ANXA4: variants seen among roughly 807,000 people sequenced by gnomAD.
ANXA4 encodes the protein annexin A4.
A neutral mutation model predicts 49.8 loss-of-function variants in ANXA4; 39 were observed. That is an observed-to-expected ratio of 0.78 (90% CI 0.61 to 1.02). ANXA4 has a LOEUF of 1.02. ANXA4 is among the 50% of genes least tolerant of loss of function. ANXA4 has a pLI of 0.00. For missense variants in ANXA4, 360 were observed against 410.1 expected, an observed-to-expected ratio of 0.88 and a Z score of 1.05; for synonymous variants, 134 against 152.5, an observed-to-expected ratio of 0.88 and a Z score of 0.89.
At chr2:69,764,927 T>C (rs1273027816) in intron 1 of ANXA4, among the ~76,000 whole-genome samples, 1 of 152,086 alleles carries the variant, frequency 6.6e-6, no homozygotes, top group East Asian at 1.9e-4. Context: ...ATAAGTGGAT[T>C]CATGTAGTAT....
At chr2:69,652,584 C>T (rs1399641757) in intron 1 of ANXA4, among the ~76,000 whole-genome samples, 3 of 152,184 alleles carry the variant, frequency 2.0e-5, no homozygotes, top group Non-Finnish European at 2.9e-5. Flanking sequence ...TAAGGCTGGG[C>T]GCGGTGGCTC....
intron 3 of ANXA4, among the ~76,000 whole-genome samples, chr2:69,801,055 A>C (rs1406956360): frequency 6.6e-6 from 1 of 152,202 alleles, no homozygotes; most frequent in Non-Finnish European, 1.5e-5. Flanking sequence ...CAGGTGTGCT[A>C]TCTGCATAGG....
Position 69,808,921 on chromosome 2 carries a change from C to T in ANXA4, c.397+925C>T, listed in dbSNP as rs1032079335. The T allele has an allele frequency of 3.9e-5, 6 of 152,090 alleles. No homozygotes were observed. The East Asian group carries it at 9.7e-4, about 24-fold the overall frequency. 9.4% of individuals were successfully genotyped at this position (152,090 alleles called of 1,614,324 possible). ...AAGCAATCTGCCCACCTCCGCCTCC[C>T]GAAGTGCTGGGATTACAGATGTGAG... On this transcript the variant is annotated intron_variant, in intron 6 of 12. Transcript: ENST00000394295.
intron 3 of ANXA4, among the ~76,000 whole-genome samples, chr2:69,730,184 TA>T (rs112227327): frequency 0.023 from 3,370 of 146,500 alleles, 115 homozygotes; most frequent in African/African-American, 0.077. Flanking sequence ...TACTTTTATT[TA>T]AAAAAAAAAA....
chr2:69,810,775 C>T, intron 7 of ANXA4, 102 bp downstream of exon 7: 1 of 901,296 alleles, frequency 1.1e-6, no homozygotes, highest in Non-Finnish European at 1.8e-6. Flanking sequence ...TGTGGATATT[C>T]CCCAGGTAGT....
intron 2 of ANXA4, among the ~76,000 whole-genome samples, chr2:69,672,352 C>A (rs1479162141): frequency 6.6e-6 from 1 of 152,002 alleles, no homozygotes; most frequent in African/African-American, 2.4e-5. Context: ...CTGCCTCAGC[C>A]TCCTGGGTAG....
intron 2 of ANXA4, among the ~76,000 whole-genome samples, chr2:69,662,760 G>A (rs907814993): frequency 5.9e-5 from 9 of 151,878 alleles, no homozygotes; most frequent in African/African-American, 1.2e-4. Context: ...ACTTACACAC[G>A]CACTCAGGGC....
At chr2:69,745,767 A>T (rs979293957) in intron 1 of ANXA4, among the ~76,000 whole-genome samples, 1 of 151,894 alleles carries the variant, frequency 6.6e-6, no homozygotes, top group Non-Finnish European at 1.5e-5. Flanking sequence ...CTGACCTCAG[A>T]TGATCCGCTT....
At chr2:69,675,218 G>A (rs116658302) in intron 2 of ANXA4, among the ~76,000 whole-genome samples, 6,186 of 152,138 alleles carry the variant, frequency 0.041, 168 homozygotes, top group African/African-American at 0.059. Context: ...CACCGCGCCC[G>A]GCCCAAACTG....
At chr2:69,682,039 A>G (rs1022020289) in intron 2 of ANXA4, among the ~76,000 whole-genome samples, 4 of 151,976 alleles carry the variant, frequency 2.6e-5, no homozygotes, top group African/African-American at 7.3e-5. Flanking sequence ...GGGTCTCCCT[A>G]TGTTGCCTAA....
At chr2:69,774,743 A>G (rs1006933152) in intron 1 of ANXA4, among the ~76,000 whole-genome samples, 2 of 152,196 alleles carry the variant, frequency 1.3e-5, no homozygotes, top group African/African-American at 2.4e-5. Flanking sequence ...TGTGGTTTGC[A>G]TATGAAGCAC....
intron 1 of ANXA4, among the ~76,000 whole-genome samples, chr2:69,771,491 G>A (rs1197758181): frequency 2.0e-5 from 3 of 152,220 alleles, no homozygotes; most frequent in Non-Finnish European, 2.9e-5. Context: ...GTTTTGATGG[G>A]TGTTTGCTGA....
chr2:69,800,659 A>C (rs1035565656), intron 3 of ANXA4, among the ~76,000 whole-genome samples: 2 of 152,102 alleles, frequency 1.3e-5, no homozygotes, highest in African/African-American at 4.8e-5. Flanking sequence ...GGACCTTGGG[A>C]GATGATTGAG....
chr2:69,687,314 G>A (rs1305264833), intron 2 of ANXA4, among the ~76,000 whole-genome samples: 1 of 152,028 alleles, frequency 6.6e-6, no homozygotes, highest in Non-Finnish European at 1.5e-5. Context: ...GACCAGCCTG[G>A]GCAACATGGT....
chr2:69,787,860 A>G (rs1672480814), intron 2 of ANXA4, among the ~76,000 whole-genome samples, 194 bp from the exon 3 acceptor site: 1 of 152,200 alleles, frequency 6.6e-6, no homozygotes. Context: ...TGGCTTGTTT[A>G]CTGTCTGCCT....
At chr2:69,765,871 C>G (rs762478457) in intron 1 of ANXA4, among the ~76,000 whole-genome samples, 1 of 152,120 alleles carries the variant, frequency 6.6e-6, no homozygotes, top group African/African-American at 2.4e-5. Flanking sequence ...AGCAATGAGG[C>G]CTTCAGGAAG....
intron 2 of ANXA4, among the ~76,000 whole-genome samples, chr2:69,708,186 C>T (rs1377622361): frequency 6.6e-6 from 1 of 152,208 alleles, no homozygotes; most frequent in African/African-American, 2.4e-5. Context: ...GACTCTAGGT[C>T]TGAGTAGTGG....
intron 1 of ANXA4, among the ~76,000 whole-genome samples, chr2:69,751,601 G>A (rs1034390111): frequency 1.3e-5 from 2 of 152,050 alleles, no homozygotes; most frequent in Non-Finnish European, 2.9e-5. Flanking sequence ...CTTTCAGAGG[G>A]GAAGGAGGAG....
At chr2:69,772,796 A>G (rs1411056036) in intron 1 of ANXA4, among the ~76,000 whole-genome samples, 1 of 152,168 alleles carries the variant, frequency 6.6e-6, no homozygotes, top group Non-Finnish European at 1.5e-5. Flanking sequence ...AGGCGGGCAG[A>G]TCATGAGGTC....
Sources: allele counts gnomAD v4.1 joint callset (sites outside exome capture counted in the v4.1 genomes callset), GRCh38; gene constraint gnomAD v4.1.1; transcripts MANE v1.5; gene names NCBI Gene and HGNC (gene_info 2026-07-23, HGNC 2026-07-21).